Variants in GLIS3 observed in about 807,000 individuals in gnomAD.
The protein encoded by GLIS3 is GLIS family zinc finger 3, also known as zinc finger protein GLIS3.
In GLIS3, 53 loss-of-function variants were observed where a neutral mutation model predicts 78.6. The ratio of observed to expected loss-of-function variants is 0.67; its 90% CI spans 0.54 to 0.85. The LOEUF (loss-of-function observed/expected upper bound fraction) is 0.85, where lower values mean the gene tolerates loss of function less well. GLIS3 is among the 40% of genes least tolerant of loss of function. The pLI is 0.00. For synonymous variants in GLIS3, 684 were observed against 509.9 expected, an observed-to-expected ratio of 1.34 and a Z score of -4.60; for missense variants, 1,703 against 1,231.1, an observed-to-expected ratio of 1.38 and a Z score of -5.74.
intron 2 of GLIS3, among the ~76,000 whole-genome samples, chr9:4,129,809 G>T (rs1050851918): frequency 1.3e-5 from 2 of 152,210 alleles, no homozygotes; most frequent in Non-Finnish European, 2.9e-5. Flanking sequence ...CTTTGGAATT[G>T]GGTATGGACA....
At chr9:4,063,445 T>C (rs1196723731) in intron 4 of GLIS3, among the ~76,000 whole-genome samples, 1 of 151,726 alleles carries the variant, frequency 6.6e-6, no homozygotes, top group African/African-American at 2.4e-5. Context: ...TTATTAAACA[T>C]CTGAAAAATC....
chr9:4,140,964 A>C (rs1025642610), intron 2 of GLIS3, among the ~76,000 whole-genome samples: 4 of 152,012 alleles, frequency 2.6e-5, no homozygotes, highest in African/African-American at 9.7e-5. Context: ...ACGCTCAGCT[A>C]ATTTTTTGTA....
At chr9:4,264,392 G>C (rs1193838144) in intron 2 of GLIS3, among the ~76,000 whole-genome samples, 2 of 152,112 alleles carry the variant, frequency 1.3e-5, no homozygotes, top group African/African-American at 4.8e-5. Context: ...TTTCACTCTT[G>C]CTTTCCCATC....
chr9:4,396,854 G>A, the GLIS3 span, among the ~76,000 whole-genome samples: 6 of 151,924 alleles, frequency 3.9e-5, no homozygotes, highest in Admixed American at 6.6e-5. Flanking sequence ...GAAGTAAAGC[G>A]AGCCTGAGTA....
At chr9:3,902,038 C>T (rs548365848) in intron 6 of GLIS3, among the ~76,000 whole-genome samples, 44 of 152,308 alleles carry the variant, frequency 2.9e-4, no homozygotes, top group African/African-American at 1.0e-3. Context: ...CCCGTACCAA[C>T]GAGGTCTTTG....
intron 4 of GLIS3, among the ~76,000 whole-genome samples, chr9:3,989,817 T>C (rs1820075281): frequency 6.6e-6 from 1 of 152,174 alleles, no homozygotes. Context: ...TCAACTGTGA[T>C]GGTGAACACA....
At chr9:3,964,764 C>A (rs948632395) in intron 4 of GLIS3, among the ~76,000 whole-genome samples, 1 of 152,076 alleles carries the variant, frequency 6.6e-6, no homozygotes, top group East Asian at 1.9e-4. Context: ...AAAGCCAATA[C>A]CTTTTATTTT....
chr9:4,263,332 A>G (rs371563880), intron 2 of GLIS3, among the ~76,000 whole-genome samples: 3 of 152,198 alleles, frequency 2.0e-5, no homozygotes, highest in East Asian at 3.8e-4. Context: ...GACAATTATT[A>G]AGAACTATTA....
chr9:4,214,369 A>C (rs1820638021), intron 2 of GLIS3, among the ~76,000 whole-genome samples: 1 of 152,168 alleles, frequency 6.6e-6, no homozygotes, highest in South Asian at 2.1e-4. Context: ...CATCTTCTGG[A>C]TTACTTAGTG....
At chr9:3,997,135 G>A (rs568263398) in intron 4 of GLIS3, among the ~76,000 whole-genome samples, 3 of 152,222 alleles carry the variant, frequency 2.0e-5, no homozygotes, top group Admixed American at 2.0e-4. Context: ...ATCACCTGAG[G>A]TTGGAGTTCA....
chr9:4,377,000 C>A, the GLIS3 span, among the ~76,000 whole-genome samples: 5 of 135,620 alleles, frequency 3.7e-5, 2 homozygotes, highest in Non-Finnish European at 8.3e-5. Flanking sequence ...CCACCACTTA[C>A]TAGCCCAATA....
intron 1 of GLIS3, among the ~76,000 whole-genome samples, chr9:4,291,660 TTA>T (rs1475275576): frequency 6.6e-6 from 1 of 152,038 alleles, no homozygotes; most frequent in Non-Finnish European, 1.5e-5. Context: ...ATTCAGGAAT[TTA>T]CTCCTCTTAG....
At chr9:4,252,175 T>C (rs1824461181) in intron 2 of GLIS3, among the ~76,000 whole-genome samples, 1 of 152,200 alleles carries the variant, frequency 6.6e-6, no homozygotes, top group Admixed American at 6.5e-5. Flanking sequence ...GGGGAAGTTC[T>C]CCTGGATAAT....
intron 2 of GLIS3, among the ~76,000 whole-genome samples, chr9:4,184,430 C>T (rs1487257165): frequency 6.6e-6 from 1 of 152,174 alleles, no homozygotes; most frequent in Admixed American, 6.5e-5. Context: ...TCGAATACCC[C>T]CACTTCAAAG....
intron 2 of GLIS3, among the ~76,000 whole-genome samples, chr9:4,247,157 G>A (rs1006033108): frequency 5.3e-5 from 8 of 152,154 alleles, no homozygotes; most frequent in African/African-American, 1.7e-4. Flanking sequence ...TCTGCCATTC[G>A]TAAGTATCTC....
At chr9:4,086,705 CA>C (rs1172203859) in intron 4 of GLIS3, among the ~76,000 whole-genome samples, 5 of 152,178 alleles carry the variant, frequency 3.3e-5, no homozygotes, top group African/African-American at 9.7e-5. Context: ...CTTGTCAAAA[CA>C]GTGCTGAGCA....
chr9:4,252,284 C>G (rs1325060365), intron 2 of GLIS3, among the ~76,000 whole-genome samples: 1 of 152,090 alleles, frequency 6.6e-6, no homozygotes, highest in East Asian at 1.9e-4. Flanking sequence ...TCCCATATTT[C>G]TTGGAGGCTT....
the GLIS3 span, among the ~76,000 whole-genome samples, chr9:4,386,113 G>T: frequency 6.6e-6 from 1 of 152,110 alleles, no homozygotes; most frequent in African/African-American, 2.4e-5. Flanking sequence ...TCCCTTTATT[G>T]TAACAGCACA....
intron 4 of GLIS3, among the ~76,000 whole-genome samples, chr9:4,080,742 A>T (rs1828488340): frequency 6.6e-6 from 1 of 152,228 alleles, no homozygotes; most frequent in Admixed American, 6.5e-5. Flanking sequence ...TGTCAACAAA[A>T]GAGAGAAGTC....
Sources: allele counts gnomAD v4.1 joint callset (sites outside exome capture counted in the v4.1 genomes callset), GRCh38; gene constraint gnomAD v4.1.1; transcripts MANE v1.5; gene names NCBI Gene and HGNC (gene_info 2026-07-23, HGNC 2026-07-21).